PLCE1: variants seen among roughly 807,000 people sequenced by gnomAD.
PLCE1 encodes 1-phosphatidylinositol 4,5-bisphosphate phosphodiesterase epsilon-1.
PLCE1 carries 119 observed loss-of-function variants against 242.8 expected under a neutral mutation model. The observed-to-expected ratio is 0.49, with a 90% CI of 0.42 to 0.57. The LOEUF is 0.57. Ranked by LOEUF, PLCE1 falls within the 20% of genes least tolerant of loss-of-function variation. The pLI, the probability that PLCE1 is intolerant of heterozygous loss-of-function variation, is 0.00. For missense variants in PLCE1, 2,441 were observed against 2,788.8 expected (o/e 0.88, Z 2.81); for synonymous variants, 945 against 1,017.4 (o/e 0.93, Z 1.35).
In PLCE1 at chr10:94,304,679, C is replaced by T. The variant is rs116138540; in HGVS notation, c.5622+34C>T. On this transcript the variant is annotated intron_variant, in intron 25 of 32. Coordinates refer to ENST00000371380, the MANE Select transcript of PLCE1 (RefSeq NM_016341.4). ...GGCCCCTAGAGAAAGAACATAAGGTCGGGTTTAAGCCTTCCTGAAAACGAA... is the reference window on the plus strand; with the variant it reads ...GGCCCCTAGAGAAAGAACATAAGGTTGGGTTTAAGCCTTCCTGAAAACGAA... 2,679 of 1,606,558 alleles carry T rather than the reference C, an allele frequency of 1.7e-3. 27 individuals carry two copies. The African/African-American group carries it at 0.02, about 12-fold the overall frequency.
chr10:94,006,353 A>T (rs1437153425), intron 1 of PLCE1, among the ~76,000 whole-genome samples: 4 of 152,242 alleles, frequency 2.6e-5, no homozygotes, highest in South Asian at 4.1e-4. Flanking sequence ...ATTAAGAGAC[A>T]TGTGCTTTAC....
intron 22 of PLCE1, among the ~76,000 whole-genome samples, chr10:94,287,890 G>A (rs1397839969): frequency 6.6e-6 from 1 of 151,824 alleles, no homozygotes; most frequent in Non-Finnish European, 1.5e-5. Context: ...TCTCAACCTT[G>A]CCTGGCCTTC....
chr10:94,268,708 T>C (rs1419492814), intron 16 of PLCE1, among the ~76,000 whole-genome samples: 2 of 152,188 alleles, frequency 1.3e-5, no homozygotes, highest in African/African-American at 2.4e-5. Flanking sequence ...AATATCCAGC[T>C]CTGGTAAACA....
chr10:94,171,403 GC>G lies in PLCE1; in HGVS notation c.1719del (p.Cys574AlafsTer25). 6.2e-7 allele frequency: 1 copy of G among 1,614,138 alleles called. No individual in the cohort carries two copies. Among genetic ancestry groups the G allele is most frequent in the Admixed American group, 1.7e-5 (1 of 60,028 alleles). ...LGTPECQSSL[P>X]CLKASISASI... ...GCACTCCTGAATGCCAGAGCTCCTTGCCCTGCCTCAAAGCATCCATCTCAGC... is the reference window on the plus strand; with the variant it reads ...GCACTCCTGAATGCCAGAGCTCCTTGCCTGCCTCAAAGCATCCATCTCAGC... On this transcript the variant is annotated frameshift_variant, in exon 4 of 33. Transcript: ENST00000371380. LOFTEE classifies it high-confidence loss of function.
intron 28 of PLCE1, 115 bp from the exon 29 acceptor site, chr10:94,316,432 A>C: frequency 1.4e-6 from 1 of 707,668 alleles, no homozygotes; most frequent in Non-Finnish European, 2.6e-6. Context: ...ATTATGCAAT[A>C]CTCTAGAGTA....
intron 4 of PLCE1, among the ~76,000 whole-genome samples, chr10:94,200,822 C>T (rs565157219): frequency 3.9e-5 from 6 of 152,284 alleles, no homozygotes; most frequent in South Asian, 2.1e-4. Context: ...ATTTGACCTC[C>T]GTGGTCTTCC....
At chr10:93,994,602 C>A (rs552092340) in intron 1 of PLCE1, among the ~76,000 whole-genome samples, 1 of 152,334 alleles carries the variant, frequency 6.6e-6, no homozygotes, top group East Asian at 1.9e-4. Flanking sequence ...GGAAAGTGCT[C>A]AAGAGATTGT....
At chr10:94,313,220 G>A (rs759855980) in intron 27 of PLCE1, 34 bp from the exon 28 acceptor site, 39 of 1,612,270 alleles carry the variant, frequency 2.4e-5, no homozygotes, top group African/African-American at 4.0e-5. Flanking sequence ...ATGTGATTAC[G>A]GATGAATGAT....
chr10:94,255,096 A>G, intron 11 of PLCE1, 47 bp downstream of exon 11: 1 of 1,585,310 alleles, frequency 6.3e-7, no homozygotes, highest in Non-Finnish European at 8.7e-7. Context: ...ACATTATTCC[A>G]GTTGTGTGGA....
chr10:94,324,215 T>C (rs1393047339), intron 30 of PLCE1, 134 bp from the exon 31 acceptor site: 14 of 776,184 alleles, frequency 1.8e-5, no homozygotes, highest in Non-Finnish European at 2.8e-5. Context: ...GCAAAATGAG[T>C]TGGATGAAAT....
intron 8 of PLCE1, among the ~76,000 whole-genome samples, chr10:94,250,957 C>G (rs991439021): frequency 6.6e-6 from 1 of 152,186 alleles, no homozygotes; most frequent in African/African-American, 2.4e-5. Flanking sequence ...CAGCAGGCCT[C>G]CAGCAGATGG....
chr10:94,315,147 C>A, intron 28 of PLCE1: 1 of 300,094 alleles, frequency 3.3e-6, no homozygotes, highest in Non-Finnish European at 6.6e-6. Context: ...ATAGTATTTG[C>A]CTTGGCCCCC....
intron 1 of PLCE1, among the ~76,000 whole-genome samples, chr10:94,025,326 C>T (rs1208513643): frequency 6.6e-6 from 1 of 152,066 alleles, no homozygotes; most frequent in Non-Finnish European, 1.5e-5. Context: ...AGGTCAAATT[C>T]AGAGGTTCTA....
chr10:94,030,918 TC>T lies in PLCE1; in HGVS notation c.-126del, dbSNP rs1589882329. On this transcript the variant is annotated 5_prime_UTR_variant, in exon 2 of 33. It removes the in-frame stop codon of an upstream open reading frame in the 5' UTR. Transcript: ENST00000371380. ...TAATGCTCCTGAATGAAAGGAATTA[TC>T]CCTTTGTTCTTTGGGAGGACTTGTG... 1 of 883,746 alleles carries T rather than the reference TC, an allele frequency of 1.1e-6. No homozygotes were observed. The highest frequency in any genetic ancestry group is 2.5e-5 in the East Asian group (1 of 40,544). The allele number at this position is 883,746 out of a possible 1,614,324, so 54.7% of individuals were successfully genotyped here. A position where few individuals can be genotyped will look rare whatever the true frequency, so the allele number is the denominator to read the frequency against.
chr10:94,018,309 G>A (rs771026413), intron 1 of PLCE1, among the ~76,000 whole-genome samples: 8 of 152,122 alleles, frequency 5.3e-5, no homozygotes, highest in South Asian at 2.1e-4. Context: ...CCAGGCTTCC[G>A]AAATGTGCTA....
intron 2 of PLCE1, among the ~76,000 whole-genome samples, chr10:94,127,613 A>G (rs890473904): frequency 1.3e-5 from 2 of 152,178 alleles, no homozygotes; most frequent in African/African-American, 4.8e-5. Flanking sequence ...ATTCGCGGCC[A>G]TTTTTGTAGC....
chr10:94,109,386 C>T (rs1011111657), intron 2 of PLCE1, among the ~76,000 whole-genome samples: 1 of 152,024 alleles, frequency 6.6e-6, no homozygotes, highest in African/African-American at 2.4e-5. Context: ...AAAATGTGAC[C>T]CACTTGAGGT....
At chr10:94,142,620 G>T (rs1027504886) in intron 3 of PLCE1, among the ~76,000 whole-genome samples, 5 of 152,182 alleles carry the variant, frequency 3.3e-5, no homozygotes, top group Non-Finnish European at 7.3e-5. Context: ...GTCATGCTGG[G>T]GCTGATGATG....
intron 3 of PLCE1, among the ~76,000 whole-genome samples, chr10:94,142,254 T>G (rs2797988): frequency 0.86 from 130,514 of 151,884 alleles, 58,236 homozygotes; most frequent in South Asian, 0.98. Flanking sequence ...AGGTGGCTCA[T>G]GCCTGTAATC....
Sources: allele counts gnomAD v4.1 joint callset (sites outside exome capture counted in the v4.1 genomes callset), GRCh38; gene constraint gnomAD v4.1.1; transcripts MANE v1.5; gene names NCBI Gene and HGNC (gene_info 2026-07-23, HGNC 2026-07-21).